Variants in PCGF6 observed in about 807,000 individuals in gnomAD.
The protein encoded by PCGF6 is polycomb group RING finger protein 6.
In PCGF6, 24 loss-of-function variants were observed where a neutral mutation model predicts 45.5. That is an observed-to-expected ratio of 0.53 (90% CI 0.38 to 0.74). The LOEUF (loss-of-function observed/expected upper bound fraction) is 0.74. PCGF6 is among the 30% of genes least tolerant of loss of function. PCGF6 has a pLI of 0.00. For synonymous variants in PCGF6, 152 were observed against 162.1 expected, an observed-to-expected ratio of 0.94 and a Z score of 0.47; for missense variants, 356 against 443.2, an observed-to-expected ratio of 0.80 and a Z score of 1.77.
intron 6 of PCGF6, among the ~76,000 whole-genome samples, chr10:103,342,485 C>T (rs1048956125): frequency 6.6e-6 from 1 of 152,128 alleles, no homozygotes; most frequent in East Asian, 1.9e-4. Flanking sequence ...CTGCCCGCCT[C>T]GGCCTCCCAA....
Position 103,347,287 on chromosome 10 carries a change from CT to C in PCGF6, c.623del (p.Lys208SerfsTer12). 1 of 1,608,898 alleles carries C rather than the reference CT, an allele frequency of 6.2e-7. No homozygotes were observed. The highest frequency in any genetic ancestry group is 1.1e-5 in the South Asian group (1 of 90,930). ...TTTCTTTATAGAAATCATGCATTTG[CT>C]TTTTTTCTCCTAAAAAATGATAAAA... is the stretch of plus-strand genomic sequence containing the variant. ...LVINLEEREKKQMHDFYKERG... is the reference protein window; with the variant it reads ...LVINLEEREKXQMHDFYKERG... On this transcript the variant is annotated frameshift_variant, in exon 5 of 10. Transcript: ENST00000369847. LOFTEE classifies it high-confidence loss of function.
At chr10:103,306,856 C>T (rs1424878258) in intron 9 of PCGF6, among the ~76,000 whole-genome samples, 1 of 151,964 alleles carries the variant, frequency 6.6e-6, no homozygotes, top group East Asian at 1.9e-4. Context: ...ATAATCCTAG[C>T]ACTTTGGGAG....
rs1358881533 is a variant in PCGF6, at chr10:103,326,583, T to C, written c.860A>G (p.His287Arg). 3 of 1,612,636 alleles carry C rather than the reference T, an allele frequency of 1.9e-6. No homozygotes were observed. The highest frequency in any genetic ancestry group is 2.2e-5 in the East Asian group (1 of 44,830). The part of the protein sequence containing the change: ...VRVSGEATIG[H>R]VEKFLRRKMG... ...TTTTCTTCTGAGGAATTTTTCTACA[T>C]GTCCAATAGTTGCTTCTCCTGAAAC... Residue 287 changes from histidine (H) to arginine (R), a missense_variant, in exon 8 of 10, where the codon CAT becomes CGT. Physicochemically the swap from His to Arg is conservative, Grantham distance 29. Transcript: ENST00000369847.
intron 7 of PCGF6, among the ~76,000 whole-genome samples, chr10:103,329,734 A>C (rs1339789267): frequency 2.6e-5 from 4 of 151,992 alleles, no homozygotes; most frequent in African/African-American, 9.7e-5. Flanking sequence ...CAGCCTCCCA[A>C]AGTGCTGGGA....
intron 9 of PCGF6, among the ~76,000 whole-genome samples, chr10:103,309,655 G>A (rs528581587): frequency 2.0e-5 from 3 of 152,152 alleles, no homozygotes; most frequent in Non-Finnish European, 4.4e-5. Flanking sequence ...CAGAGTTCAG[G>A]CATGGTGGCT....
Position 103,351,092 on chromosome 10 carries a change from G to A in PCGF6, c.-26C>T. On this transcript the variant is annotated 5_prime_UTR_variant, in exon 1 of 10. Transcript: ENST00000369847. ...GGTCGGGAGAGACACCAGGCGAGGC[G>A]AGGCGGCGGGAGAGCGCGGGAGTTC... The A allele has an allele frequency of 2.2e-6, 3 of 1,346,806 alleles. No homozygotes were observed. Among genetic ancestry groups the A allele is most frequent in the South Asian group, 2.2e-5 (1 of 45,666 alleles). The allele number at this position is 1,346,806 out of a possible 1,614,324, so 83.4% of individuals were successfully genotyped here.
chr10:103,312,959 T>TCAAAAA (rs144077726), intron 9 of PCGF6, among the ~76,000 whole-genome samples: 24,582 of 150,330 alleles, frequency 0.16, 2,413 homozygotes, highest in African/African-American at 0.28. Flanking sequence ...AGACTCCGTC[T>TCAAAAA]CAAAAACAAA....
At chr10:103,316,834 A>G (rs1333094351) in intron 8 of PCGF6, among the ~76,000 whole-genome samples, 1 of 152,142 alleles carries the variant, frequency 6.6e-6, no homozygotes, top group Non-Finnish European at 1.5e-5. Flanking sequence ...CTGAGATTAT[A>G]TAGAATTATG....
chr10:103,343,304 A>T (rs1194916012), intron 6 of PCGF6, among the ~76,000 whole-genome samples: 1 of 151,800 alleles, frequency 6.6e-6, no homozygotes, highest in Non-Finnish European at 1.5e-5. Context: ...CACACTAGAT[A>T]ATAAATGATA....
intron 9 of PCGF6, among the ~76,000 whole-genome samples, chr10:103,311,591 A>G (rs1174307982): frequency 6.6e-6 from 1 of 150,800 alleles, no homozygotes; most frequent in Non-Finnish European, 1.5e-5. Flanking sequence ...TACAGGCATG[A>G]GCCACCACCG....
At chr10:103,309,512 C>CT (rs1344745206) in intron 9 of PCGF6, among the ~76,000 whole-genome samples, 2 of 152,186 alleles carry the variant, frequency 1.3e-5, no homozygotes, top group African/African-American at 4.8e-5. Context: ...CCTGTACAGC[C>CT]TGCAGAACTG....
At chr10:103,326,424 TA>T in intron 8 of PCGF6, 109 bp downstream of exon 8, 1 of 548,816 alleles carries the variant, frequency 1.8e-6, no homozygotes. Flanking sequence ...TACAACATCA[TA>T]AAACAAAAAT....
At position 103,303,421 on chromosome 10, in the gene PCGF6, A is replaced by C. The variant is rs2093126224; in HGVS notation, c.*484T>G. The C allele has an allele frequency of 6.5e-6, 1 of 152,928 alleles. No homozygotes were observed. Among genetic ancestry groups the C allele is most frequent in the African/African-American group, 2.4e-5 (1 of 41,462 alleles). The allele number at this position is 152,928 out of a possible 1,614,324, so 9.5% of individuals were successfully genotyped here. The stretch of plus-strand genomic sequence containing the variant: ...AGTTCAAAATATGCTGGCAACATAC[A>C]AAAGTGGCCAATAGTTTTGGTCTTT... On this transcript the variant is annotated 3_prime_UTR_variant, in exon 10 of 10. Transcript: ENST00000369847.
chr10:103,348,624 T>G (rs921114741), intron 3 of PCGF6, 92 bp downstream of exon 3: 21 of 996,696 alleles, frequency 2.1e-5, no homozygotes, highest in Non-Finnish European at 2.9e-5. Flanking sequence ...GAACCCATCC[T>G]GAGAGGTCAA....
intron 9 of PCGF6, among the ~76,000 whole-genome samples, chr10:103,310,769 A>G (rs2093154542): frequency 6.6e-6 from 1 of 151,960 alleles, no homozygotes; most frequent in African/African-American, 2.4e-5. Context: ...TGGTGTGATC[A>G]TGGATCACTG....
At chr10:103,350,643 C>G (rs2093317429) in intron 1 of PCGF6, 64 bp downstream of exon 1, 2 of 1,360,378 alleles carry the variant, frequency 1.5e-6, no homozygotes, top group South Asian at 1.8e-5. Context: ...GCCCGGCAGA[C>G]GAGGGCCAGC....
intron 6 of PCGF6, 137 bp from the exon 7 acceptor site, chr10:103,334,089 TAAAC>T: frequency 5.2e-6 from 3 of 582,274 alleles, no homozygotes; most frequent in Non-Finnish European, 8.1e-6. Flanking sequence ...TTTTATGAAA[TAAAC>T]AAATGTAATT....
chr10:103,342,037 C>T (rs944341999), intron 6 of PCGF6, among the ~76,000 whole-genome samples: 4 of 150,838 alleles, frequency 2.7e-5, no homozygotes, highest in African/African-American at 7.3e-5. Flanking sequence ...CCAATTCAAG[C>T]GATTCTCCTG....
chr10:103,306,180 C>A (rs1255388822), intron 9 of PCGF6, among the ~76,000 whole-genome samples: 1 of 151,368 alleles, frequency 6.6e-6, no homozygotes, highest in Non-Finnish European at 1.5e-5. Context: ...TCACTGCAAT[C>A]TCCGCCTCCC....
Sources: gnomAD v4.1 joint callset for allele counts (sites outside exome capture counted in the v4.1 genomes callset) on GRCh38, gnomAD v4.1.1 for gene constraint, MANE v1.5 for transcripts, NCBI Gene and HGNC (gene_info 2026-07-23, HGNC 2026-07-21) for gene names.